RB1CC1: variants seen among roughly 807,000 people sequenced by gnomAD.
RB1CC1 encodes the protein RB1-inducible coiled-coil protein 1.
Under a neutral mutation model 177.5 loss-of-function variants are expected in RB1CC1, and 46 were observed. That is an observed-to-expected ratio of 0.26 (90% CI 0.20 to 0.33). The LOEUF (loss-of-function observed/expected upper bound fraction) is 0.33, where lower values mean the gene tolerates loss of function less well. RB1CC1 is among the 10% of genes least tolerant of loss of function. The pLI, the probability that RB1CC1 is intolerant of heterozygous loss-of-function variation, is 1.00. For synonymous variants in RB1CC1, 666 were observed against 613.6 expected, an observed-to-expected ratio of 1.09 and a Z score of -1.26; for missense variants, 1,703 against 1,816.3, an observed-to-expected ratio of 0.94 and a Z score of 1.13.
chr8:52,694,256 A>G (rs1209602478), intron 1 of RB1CC1, among the ~76,000 whole-genome samples: 1 of 152,202 alleles, frequency 6.6e-6, no homozygotes, highest in African/African-American at 2.4e-5. Flanking sequence ...GGAAGACTCA[A>G]CAGGTCACGT....
intron 22 of RB1CC1, 75 bp downstream of exon 22, chr8:52,627,957 C>T: frequency 1.5e-6 from 2 of 1,327,178 alleles, no homozygotes; most frequent in Non-Finnish European, 2.0e-6. Context: ...TGTAATTAAA[C>T]AGGGAAAAAA....
chr8:52,679,592 A>C (rs1853503071), intron 5 of RB1CC1, among the ~76,000 whole-genome samples: 1 of 152,188 alleles, frequency 6.6e-6, no homozygotes, highest in South Asian at 2.1e-4. Flanking sequence ...TATAAAAGCA[A>C]ACTGTACCCT....
intron 8 of RB1CC1, among the ~76,000 whole-genome samples, chr8:52,662,205 ATAT>A: frequency 6.6e-6 from 1 of 152,202 alleles, no homozygotes; most frequent in South Asian, 2.1e-4. Context: ...TCTCTGGACT[ATAT>A]TTTGTTCCAC....
chr8:52,669,693 T>G (rs182128256), intron 7 of RB1CC1, among the ~76,000 whole-genome samples: 1 of 152,310 alleles, frequency 6.6e-6, no homozygotes, highest in Non-Finnish European at 1.5e-5. Flanking sequence ...GAGTCCAATG[T>G]GTATGTATTT....
intron 1 of RB1CC1, among the ~76,000 whole-genome samples, chr8:52,706,458 C>A (rs1174835181): frequency 2.6e-5 from 4 of 151,486 alleles, no homozygotes; most frequent in African/African-American, 9.7e-5. Context: ...CTCGTTGTAG[C>A]CTCCGCCTCC....
At chr8:52,635,986 A>G in intron 19 of RB1CC1, 29 bp downstream of exon 19, 1 of 1,603,752 alleles carries the variant, frequency 6.2e-7, no homozygotes. Flanking sequence ...CATATTAAAC[A>G]TGGTACTTCA....
intron 12 of RB1CC1, among the ~76,000 whole-genome samples, 165 bp from the exon 13 acceptor site, chr8:52,659,141 T>C (rs1851371063): frequency 6.6e-6 from 1 of 152,174 alleles, no homozygotes; most frequent in African/African-American, 2.4e-5. Context: ...TATGGCATAT[T>C]ATTTTCCTGA....
At chr8:52,706,601 A>G (rs1419840325) in intron 1 of RB1CC1, among the ~76,000 whole-genome samples, 3 of 151,704 alleles carry the variant, frequency 2.0e-5, no homozygotes, top group South Asian at 2.1e-4. Context: ...GCGTGGTGGC[A>G]GGCACCTGTA....
At position 52,642,339 on chromosome 8, in the gene RB1CC1, A is replaced by G; in HGVS notation, c.4337+12T>C. 6.2e-7 allele frequency: 1 copy of G among 1,600,352 alleles called. No homozygotes were observed. Among genetic ancestry groups the G allele is most frequent in the South Asian group, 1.1e-5 (1 of 89,946 alleles). On this transcript the variant is annotated intron_variant, in intron 18 of 23. Coordinates refer to ENST00000025008, the MANE Select transcript of RB1CC1 (RefSeq NM_014781.5). Reference sequence around the variant, plus strand: ...AACAGCCTTAAAAACAGTTGAAAACAGCCATACTTACTGTACAGACATCAT... The same window carrying G: ...AACAGCCTTAAAAACAGTTGAAAACGGCCATACTTACTGTACAGACATCAT...
At chr8:52,630,729 G>T (rs537059183) in intron 20 of RB1CC1, among the ~76,000 whole-genome samples, 3 of 151,930 alleles carry the variant, frequency 2.0e-5, no homozygotes, top group Non-Finnish European at 4.4e-5. Context: ...ACTGATTTTT[G>T]AATCACATTT....
rs747000087 is a variant in RB1CC1 at position 52,657,011 on chromosome 8, T to C, written c.2818A>G (p.Ile940Val). The C allele has an allele frequency of 6.2e-7, 1 of 1,613,716 alleles. No homozygotes were observed. Residue 940 changes from isoleucine to valine, a missense_variant, in exon 15 of 24, where the codon ATA (isoleucine) becomes GTA (valine). Ile to Val is a conservative substitution (Grantham distance 29). Coordinates refer to ENST00000025008, the MANE Select transcript of RB1CC1 (RefSeq NM_014781.5). ...ATTTCACAATTTTGAGAGTGCATTA[T>C]ATTTTCCATCTCTAACAACTTCTGA... ...KDQKLLEMEN[I>V]MHSQNCEIKE...
Position 52,656,962 on chromosome 8 carries a change from T to G in RB1CC1, c.2867A>C (p.Glu956Ala). ...CTTTTTTAAGTCTTCTAACACTATT[T>G]CTCGTGACTGCTTCAGTTCTTTAAT... ...CEIKELKQSR[E>A]IVLEDLKKLH... Residue 956 changes from glutamate to alanine, a missense_variant, in exon 15 of 24, where the codon GAA (glutamate) becomes GCA (alanine). Around this residue, in one of 6 missense-constraint regions of RB1CC1, gnomAD observed 1,169 missense variants for 1,184.7 expected, o/e 0.99. Transcript: ENST00000025008. 6.2e-7 allele frequency: 1 copy of G among 1,613,690 alleles called. No homozygotes were observed. The highest frequency in any genetic ancestry group is 1.1e-5 in the South Asian group (1 of 91,074).
chr8:52,706,463 G>A (rs1305610938), intron 1 of RB1CC1, among the ~76,000 whole-genome samples: 4 of 150,838 alleles, frequency 2.7e-5, no homozygotes, highest in South Asian at 2.1e-4. Context: ...TGTAGCCTCC[G>A]CCTCCCAGGT....
rs571573520 is a variant in RB1CC1, at chr8:52,683,808, A to G, written c.198+79T>C. 4.4e-6 allele frequency: 7 copies of G among 1,577,786 alleles called. No homozygotes were observed. The South Asian group carries it at 7.0e-5, about 16-fold the overall frequency. ...TGCCTTCAATATATGAAGCAAATAA[A>G]CCTTACTTTTGAACACTGAGTTCCC... On this transcript the variant is annotated intron_variant, in intron 4 of 23. Transcript: ENST00000025008.
chr8:52,651,890 C>CA (rs1219244743), intron 15 of RB1CC1, among the ~76,000 whole-genome samples: 2 of 152,042 alleles, frequency 1.3e-5, no homozygotes, highest in Non-Finnish European at 2.9e-5. Flanking sequence ...AGAGATGTAC[C>CA]AATAAATGTT....
chr8:52,647,113 T>C (rs1213406162), intron 15 of RB1CC1, among the ~76,000 whole-genome samples: 1 of 152,200 alleles, frequency 6.6e-6, no homozygotes, highest in African/African-American at 2.4e-5. Flanking sequence ...ATGACAAGAA[T>C]ACACTATATC....
At chr8:52,634,783 TGACCAACACG>T in intron 20 of RB1CC1, 128 bp downstream of exon 20, 1 of 669,862 alleles carries the variant, frequency 1.5e-6, no homozygotes, top group South Asian at 2.2e-5. Context: ...TAGGATTCAA[TGACCAACACG>T]GACCAACAAA....
At chr8:52,658,746 A>AG (rs1851325603) in intron 13 of RB1CC1, 127 bp downstream of exon 13, 1 of 525,748 alleles carries the variant, frequency 1.9e-6, no homozygotes, top group Non-Finnish European at 3.1e-6. Flanking sequence ...GTCACAGGAA[A>AG]GCCAGTCTAT....
intron 1 of RB1CC1, among the ~76,000 whole-genome samples, chr8:52,689,612 A>G (rs560729949): frequency 2.0e-4 from 31 of 152,296 alleles, no homozygotes; most frequent in African/African-American, 5.5e-4. Flanking sequence ...GACAGCAAAT[A>G]TAATATGCTC....
Sources: allele counts gnomAD v4.1 joint callset (sites outside exome capture counted in the v4.1 genomes callset), GRCh38; gene constraint gnomAD v4.1.1; regional missense constraint gnomAD v4.1.1; transcripts MANE v1.5; gene names NCBI Gene and HGNC (gene_info 2026-07-23, HGNC 2026-07-21).